Variants in POTEF observed in about 807,000 individuals in gnomAD.
POTEF encodes ANKRD26-like family C member 1B.
Under a neutral mutation model 83.2 loss-of-function variants are expected in POTEF, and 20 were observed. The observed-to-expected ratio is 0.24, with a 90% CI of 0.17 to 0.35. POTEF has a LOEUF of 0.35. Among genes scored for constraint, POTEF ranks in the 10% least tolerant of loss-of-function variants. The pLI is 1.00. For synonymous variants in POTEF, 196 were observed against 446.4 expected, an observed-to-expected ratio of 0.44 and a Z score of 7.07; for missense variants, 550 against 1,203.2, an observed-to-expected ratio of 0.46 and a Z score of 8.03.
intron 5 of POTEF, among the ~76,000 whole-genome samples, chr2:130,113,268 A>G (rs1223741255): frequency 8.6e-6 from 1 of 116,034 alleles, no homozygotes; most frequent in Non-Finnish European, 1.8e-5. Flanking sequence ...CTGAGCTTGG[A>G]GAGGTCGAGG....
intron 7 of POTEF, among the ~76,000 whole-genome samples, chr2:130,108,387 T>TAG (rs1684607373): frequency 6.6e-6 from 1 of 152,060 alleles, no homozygotes; most frequent in Non-Finnish European, 1.5e-5. Context: ...TGAACAGCTA[T>TAG]TTGTTCTTGG....
At chr2:130,128,552 C>A (rs1162983937) in intron 1 of POTEF, among the ~76,000 whole-genome samples, 1 of 138,750 alleles carries the variant, frequency 7.2e-6, no homozygotes, top group Non-Finnish European at 1.6e-5. Context: ...CCCAATACCC[C>A]CCCCAACCAC....
Position 130,120,167 on chromosome 2 carries a change from C to T in POTEF, c.349G>A (p.Val117Met), listed in dbSNP as rs772783061. ...TCATCGTAGTCTCCCCAAGCGCCCA[C>T]CTTGCTCTTGCTGCTCCCCCTGCAG... ...PCCRGSSKSKVGAWGDYDDSA... is the reference protein window; with the variant it reads ...PCCRGSSKSKMGAWGDYDDSA... Residue 117 changes from valine (V) to methionine (M), a missense_variant, in exon 3 of 17, where the codon GTG (valine) becomes ATG (methionine). Coordinates refer to ENST00000409914, the MANE Select transcript of POTEF (RefSeq NM_001099771.2). 5 of 1,609,284 alleles carry T rather than the reference C, an allele frequency of 3.1e-6. No individual in the cohort carries two copies. Among genetic ancestry groups the T allele is most frequent in the East Asian group, 2.2e-5 (1 of 44,706 alleles).
Position 130,105,166 on chromosome 2 carries a change from C to T in POTEF, c.1126+2843G>A, listed in dbSNP as rs530000231. Reference sequence around the variant, plus strand: ...TGACGATACCTCTCTTCTGCCTCTGCTTTATATTCCCACTGCCACTGGGAA... The same window carrying T: ...TGACGATACCTCTCTTCTGCCTCTGTTTTATATTCCCACTGCCACTGGGAA... On this transcript the variant is annotated intron_variant, in intron 8 of 16. Coordinates refer to ENST00000409914, the MANE Select transcript of POTEF (RefSeq NM_001099771.2). Among the ~76,000 whole-genome samples the T allele has an allele frequency of 8.1e-4, 118 of 145,338 alleles. 1 individual carries two copies. The highest frequency in any genetic ancestry group is 2.8e-3 in the African/African-American group (107 of 38,186).
intron 2 of POTEF, among the ~76,000 whole-genome samples, chr2:130,126,870 G>A (rs1479533200): frequency 1.3e-5 from 2 of 151,882 alleles, no homozygotes; most frequent in South Asian, 2.1e-4. Flanking sequence ...AGAAGCAGCA[G>A]CAAAAGAAAA....
intron 5 of POTEF, among the ~76,000 whole-genome samples, chr2:130,113,512 A>ATTGTTG (rs1426784800): frequency 1.0e-5 from 1 of 97,328 alleles, no homozygotes; most frequent in African/African-American, 3.7e-5. Context: ...TTTTGAGAAA[A>ATTGTTG]TTGTTGTTGT....
chr2:130,120,323 A>C lies in POTEF; in HGVS notation c.193T>G (p.Cys65Gly). 6.2e-7 allele frequency: 1 copy of C among 1,607,196 alleles called. No individual in the cohort carries two copies. Among genetic ancestry groups the C allele is most frequent in the Non-Finnish European group, 8.5e-7 (1 of 1,179,296 alleles). Residue 65 changes from cysteine (C) to glycine (G), a missense_variant, in exon 3 of 17, where the codon TGC (cysteine) becomes GGC (glycine). Physicochemically the swap from Cys to Gly is radical, Grantham distance 159 (BLOSUM62 -3). Coordinates refer to ENST00000409914, the MANE Select transcript of POTEF (RefSeq NM_001099771.2). ...KTLRSKMGKW[C>G]RHCFPCCRGS... ...CTGCAGCAGGGGAAGCAGTGGCGGC[A>C]CCACTTGCCCATCTTGCTCCTGAGT...
chr2:130,107,720 G>T (rs1408514227), intron 8 of POTEF: 2 of 395,174 alleles, frequency 5.1e-6, no homozygotes, highest in Non-Finnish European at 9.2e-6. Context: ...AATGCCTGAT[G>T]ATCTGTCACT....
chr2:130,083,456 A>G (rs1683947336), intron 15 of POTEF, among the ~76,000 whole-genome samples: 1 of 146,888 alleles, frequency 6.8e-6, no homozygotes, highest in Non-Finnish European at 1.5e-5. Flanking sequence ...CTAGAAAGGC[A>G]GGAGGAAAAG....
In POTEF at chr2:130,116,387, GGTTT is replaced by G. The variant is rs531982308; in HGVS notation, c.522-1063_522-1060del. ...CAGGGGTACACGTGCCAGATGTGCA[GGTTT>G]GTTACACAGGTAAACACGTGCACCA... On this transcript the variant is annotated intron_variant, in intron 3 of 16. Coordinates refer to ENST00000409914, the MANE Select transcript of POTEF (RefSeq NM_001099771.2). 7.7e-3 allele frequency among the ~76,000 whole-genome samples: 1,135 copies of G among 147,720 alleles called. 9 individuals are homozygous for G. The highest frequency in any genetic ancestry group is 0.031 in the Middle Eastern group (9 of 294).
Position 130,120,418 on chromosome 2 carries a change from G to A in POTEF, c.98C>T (p.Pro33Leu), listed in dbSNP as rs1404474445. ...GCTCTTGCCGCTCTCCCTGCAGCAGGGGAAGCAACGGCAGCACCACTTGCC... is the reference window on the plus strand; with the variant it reads ...GCTCTTGCCGCTCTCCCTGCAGCAGAGGAAGCAACGGCAGCACCACTTGCC... Reference protein sequence around the residue: ...KMGKWCCRCFPCCRESGKSNV... With the variant: ...KMGKWCCRCFLCCRESGKSNV... Residue 33 changes from proline (P) to leucine (L), a missense_variant, in exon 3 of 17, where the codon CCC becomes CTC. Pro to Leu is a moderately conservative substitution (Grantham distance 98). Coordinates refer to ENST00000409914, the MANE Select transcript of POTEF (RefSeq NM_001099771.2). 4 of 1,612,898 alleles carry A rather than the reference G, an allele frequency of 2.5e-6. No individual in the cohort carries two copies. Among genetic ancestry groups the A allele is most frequent in the East Asian group, 4.5e-5 (2 of 44,798 alleles).
At chr2:130,110,803 A>G (rs1262028595) in intron 6 of POTEF, 123 bp from the exon 7 acceptor site, 1 of 944,956 alleles carries the variant, frequency 1.1e-6, no homozygotes. Context: ...AAAAGACATA[A>G]GCAACCTGAG....
At chr2:130,118,716 T>C (rs1684913589) in intron 3 of POTEF, among the ~76,000 whole-genome samples, 1 of 151,442 alleles carries the variant, frequency 6.6e-6, no homozygotes. Flanking sequence ...TATATATAAA[T>C]ATATATCTGC....
Position 130,126,905 on chromosome 2 carries a change from G to A in POTEF, c.-94+804C>T, listed in dbSNP as rs180893258. ...ATGAAGAGGAACAAGAAGATGAGAA[G>A]AATACACAGACTAGAATAAGCAAAA... On this transcript the variant is annotated intron_variant, in intron 2 of 16. Transcript: ENST00000409914. Among the ~76,000 whole-genome samples the A allele has an allele frequency of 4.6e-5, 7 of 151,944 alleles. No individual in the cohort carries two copies. In the East Asian group the frequency reaches 1.4e-3, roughly 29 times the overall value.
chr2:130,113,410 A>G (rs540056725), intron 5 of POTEF, among the ~76,000 whole-genome samples: 8 of 138,752 alleles, frequency 5.8e-5, no homozygotes, highest in Admixed American at 7.8e-5. Context: ...TCCAACCCCA[A>G]CTCTTCTAGA....
chr2:130,123,516 C>A (rs777998441), intron 2 of POTEF, among the ~76,000 whole-genome samples: 16 of 151,882 alleles, frequency 1.1e-4, no homozygotes, highest in Non-Finnish European at 1.9e-4. Flanking sequence ...GGAAAGCCAA[C>A]AAGTAAATAT....
chr2:130,114,779 G>C, intron 5 of POTEF, 102 bp downstream of exon 5: 1 of 1,481,600 alleles, frequency 6.7e-7, no homozygotes, highest in Non-Finnish European at 9.0e-7. Context: ...TTCCATTCAG[G>C]TTATGCTTGA....
chr2:130,107,698 G>A lies in POTEF; in HGVS notation c.1126+311C>T, dbSNP rs59330002. On this transcript the variant is annotated intron_variant, in intron 8 of 16. Coordinates refer to ENST00000409914, the MANE Select transcript of POTEF (RefSeq NM_001099771.2). ...CTGAGGGATCTAGGTTGTGTGCTTC[G>A]TATGAGAATCTAATGCCTGATGATC... 7.4e-5 allele frequency: 27 copies of A among 363,520 alleles called. No individual in the cohort carries two copies. The East Asian group carries it at 1.3e-3, about 17-fold the overall frequency. The allele number at this position is 363,520 out of a possible 1,614,324, so 22.5% of individuals were successfully genotyped here.
At chr2:130,079,218 A>G (rs1171393001) in intron 15 of POTEF, among the ~76,000 whole-genome samples, 2 of 140,414 alleles carry the variant, frequency 1.4e-5, no homozygotes, top group Non-Finnish European at 3.1e-5. Flanking sequence ...AACGCAAATA[A>G]TTCCATTGGA....
Sources: gnomAD v4.1 joint callset for allele counts (sites outside exome capture counted in the v4.1 genomes callset) on GRCh38, gnomAD v4.1.1 for gene constraint, MANE v1.5 for transcripts, NCBI Gene and HGNC (gene_info 2026-07-23, HGNC 2026-07-21) for gene names.